Variants in PIEZO2 observed in about 807,000 individuals in gnomAD.
PIEZO2 encodes piezo-type mechanosensitive ion channel component 2.
A neutral mutation model predicts 337.3 loss-of-function variants in PIEZO2; 172 were observed. The ratio of observed to expected loss-of-function variants is 0.51; its 90% CI spans 0.45 to 0.58. The LOEUF (loss-of-function observed/expected upper bound fraction) is 0.58. PIEZO2 is among the 20% of genes least tolerant of loss of function. PIEZO2 has a pLI of 0.00. For missense variants in PIEZO2, 3,028 were observed against 3,391.3 expected (o/e 0.89, Z 2.66); for synonymous variants, 1,251 against 1,228.5 (o/e 1.02, Z -0.38).
intron 2 of PIEZO2, among the ~76,000 whole-genome samples, chr18:11,008,539 C>G (rs1459882665): frequency 6.6e-6 from 1 of 152,180 alleles, no homozygotes; most frequent in African/African-American, 2.4e-5. Context: ...TAGGCCCACT[C>G]TTGTTTAGTT....
rs556992830 is a variant in PIEZO2, at chr18:11,132,547, G to A, written c.64+15978C>T. 1.3e-3 allele frequency among the ~76,000 whole-genome samples: 199 copies of A among 152,270 alleles called. 1 individual carries two copies. In the Middle Eastern group the frequency reaches 0.014, roughly 10 times the overall value. On this transcript the variant is annotated intron_variant, in intron 1 of 55. Transcript: ENST00000674853. This position sits in a 1 kb window ranked among gnomAD's most constrained non-coding sequence, Gnocchi z 4.7. ...CCAGGATTCATATGTCCGGGAATCAGAAGGTAGAAGTAGAAGTGGCACCAC... is the reference window on the plus strand; with the variant it reads ...CCAGGATTCATATGTCCGGGAATCAAAAGGTAGAAGTAGAAGTGGCACCAC...
rs2036547863 is a variant in PIEZO2 at position 10,726,514 on chromosome 18, G to C, written c.5029+4893C>G. The C allele has an allele frequency of 2.6e-5, 39 of 1,483,968 alleles. No homozygotes were observed. Among genetic ancestry groups the C allele is most frequent in the Non-Finnish European group, 3.5e-5 (39 of 1,121,078 alleles). The allele number at this position is 1,483,968 out of a possible 1,614,324, so 91.9% of individuals were successfully genotyped here. A position where few individuals can be genotyped will look rare whatever the true frequency, so the allele number is the denominator to read the frequency against. ...TGCTGCTCCGCAAGCAGCCGTTCCT[G>C]TGGCGCGCTGCGCTGCTCTGCTCTG... On this transcript the variant is annotated intron_variant, in intron 36 of 55. Coordinates refer to ENST00000674853, the MANE Select transcript of PIEZO2 (RefSeq NM_001378183.1). The surrounding 1 kb of genome is among the most constrained non-coding windows in gnomAD (Gnocchi z 5.9).
intron 1 of PIEZO2, among the ~76,000 whole-genome samples, chr18:11,115,433 G>A (rs554346349): frequency 2.9e-4 from 44 of 152,274 alleles, no homozygotes; most frequent in Admixed American, 1.2e-3. Flanking sequence ...ACTGCTGTAA[G>A]TAAAAATAGT....
chr18:10,763,225 A>T, intron 21 of PIEZO2, 127 bp from the exon 22 acceptor site: 5 of 967,524 alleles, frequency 5.2e-6, no homozygotes, highest in African/African-American at 1.6e-5. Flanking sequence ...TAGCATGCGC[A>T]AGGAATTGCC....
chr18:10,887,101 G>T (rs938770196), intron 4 of PIEZO2, among the ~76,000 whole-genome samples: 1 of 122,112 alleles, frequency 8.2e-6, no homozygotes, highest in African/African-American at 3.3e-5. Context: ...ACAGAGTCTC[G>T]CTGTGTTGAC....
At chr18:10,902,687 G>A (rs2043080461) in intron 4 of PIEZO2, among the ~76,000 whole-genome samples, 1 of 152,094 alleles carries the variant, frequency 6.6e-6, no homozygotes, top group African/African-American at 2.4e-5. Context: ...AGATAAAACT[G>A]GAATCCAGGT....
rs776642495 is a variant in PIEZO2, at chr18:10,705,464, C to T, written c.5871G>A (p.Ser1957=). 55 of 1,537,214 alleles carry T rather than the reference C, an allele frequency of 3.6e-5. No homozygotes were observed. The highest frequency in any genetic ancestry group is 3.0e-5 in the Non-Finnish European group (34 of 1,146,910). Residue 1957 remains serine, a synonymous_variant, in exon 41 of 56, where the codon TCG becomes TCA. Coordinates refer to ENST00000674853, the MANE Select transcript of PIEZO2 (RefSeq NM_001378183.1). The part of the protein sequence containing the change: ...AVSFEHLSFG[S]QDDSAGKNRM... Reference sequence around the variant, plus strand: ...GGTTCTTGCCTGCAGAGTCGTCCTGCGAGCCGAAGGACAGATGCTCGAAGC... The same window carrying T: ...GGTTCTTGCCTGCAGAGTCGTCCTGTGAGCCGAAGGACAGATGCTCGAAGC...
chr18:10,732,505 C>T (rs985811061), intron 35 of PIEZO2, among the ~76,000 whole-genome samples: 1 of 152,164 alleles, frequency 6.6e-6, no homozygotes, highest in Non-Finnish European at 1.5e-5. Context: ...TAAAGAGAGA[C>T]TCAACTTTTC....
chr18:10,705,393 G>A lies in PIEZO2; in HGVS notation c.5942C>T (p.Ser1981Phe). 1.3e-6 allele frequency: 2 copies of A among 1,537,248 alleles called. No individual in the cohort carries two copies. The highest frequency in any genetic ancestry group is 1.2e-5 in the South Asian group (1 of 84,058). The change falls in exon 41 of 56, where the codon TCC becomes TTC. Residue 1981 changes from serine (S) to phenylalanine (F), a missense_variant. Physicochemically the swap from Ser to Phe is radical, Grantham distance 155. Around this residue, in one of 5 missense-constraint regions of PIEZO2, gnomAD observed 1,925 missense variants for 2,051.9 expected, o/e 0.94. Coordinates refer to ENST00000674853, the MANE Select transcript of PIEZO2 (RefSeq NM_001378183.1). ...PDDSRTDKLGSSILPPLTHEL... is the reference protein window; with the variant it reads ...PDDSRTDKLGFSILPPLTHEL... ...ATGGGTCAGGGGAGGTAAGATGCTG[G>A]ACCCCAGCTTGTCGGTGCGGCTGTC... is the stretch of plus-strand genomic sequence containing the variant.
chr18:11,123,174 G>A (rs574546648), intron 1 of PIEZO2, among the ~76,000 whole-genome samples: 2 of 152,106 alleles, frequency 1.3e-5, no homozygotes, highest in East Asian at 3.9e-4. Flanking sequence ...GCTTACTATG[G>A]GTTATGCATA....
At chr18:11,089,155 T>A (rs1208717532) in intron 1 of PIEZO2, among the ~76,000 whole-genome samples, 1 of 152,016 alleles carries the variant, frequency 6.6e-6, no homozygotes, top group Non-Finnish European at 1.5e-5. Flanking sequence ...TGAGTCCAAA[T>A]CCTCAGGAGT....
At chr18:10,692,829 TTC>T (rs1392063745) in intron 47 of PIEZO2, among the ~76,000 whole-genome samples, 1 of 152,172 alleles carries the variant, frequency 6.6e-6, no homozygotes, top group African/African-American at 2.4e-5. Context: ...TTTTTCAAAG[TTC>T]TTTTAGTTCT....
intron 2 of PIEZO2, among the ~76,000 whole-genome samples, chr18:11,063,673 A>G (rs933269576): frequency 2.6e-5 from 4 of 152,210 alleles, no homozygotes; most frequent in African/African-American, 9.6e-5. Context: ...CCAGCAATAC[A>G]TGGTGGCCTA....
At chr18:10,751,857 G>A (rs765769447) in intron 28 of PIEZO2, among the ~76,000 whole-genome samples, 15 of 152,204 alleles carry the variant, frequency 9.9e-5, no homozygotes, top group Admixed American at 2.0e-4. Flanking sequence ...AAATGGTGTC[G>A]TTGTGTCCTG....
At chr18:10,771,465 A>G (rs186297683) in intron 20 of PIEZO2, among the ~76,000 whole-genome samples, 2 of 152,372 alleles carry the variant, frequency 1.3e-5, no homozygotes, top group Admixed American at 1.3e-4. Flanking sequence ...ACTGTTTTGT[A>G]ATATCAGCCT....
Position 10,767,589 on chromosome 18 carries a change from GAGCTTGGGCACTGGTAC to G in PIEZO2, c.2946+2542_2946+2558del, listed in dbSNP as rs1333489808. On this transcript the variant is annotated intron_variant, in intron 21 of 55. Transcript: ENST00000674853. This position sits in a 1 kb window ranked among gnomAD's most constrained non-coding sequence, Gnocchi z 4.2. ...CTCGGAGCCCGATGCGTGAACCCTG[GAGCTTGGGCACTGGTAC>G]CCATGGGGCCAGAAGAGATGAAGAG... Among the ~76,000 whole-genome samples, 1 of 152,174 alleles carries G rather than the reference GAGCTTGGGCACTGGTAC, an allele frequency of 6.6e-6. No individual in the cohort carries two copies. Among genetic ancestry groups the G allele is most frequent in the African/African-American group, 2.4e-5 (1 of 41,442 alleles).
At chr18:10,719,895 T>C (rs2036183828) in intron 36 of PIEZO2, among the ~76,000 whole-genome samples, 2 of 152,034 alleles carry the variant, frequency 1.3e-5, no homozygotes, top group Admixed American at 6.6e-5. Flanking sequence ...GGATAACAGG[T>C]AGATGAGAAA....
intron 36 of PIEZO2, among the ~76,000 whole-genome samples, chr18:10,720,413 GTGTATGTA>G (rs201482963): frequency 2.7e-5 from 1 of 36,732 alleles, no homozygotes. Context: ...GTATGTGTAT[GTGTATGTA>G]TATATATATA....
intron 1 of PIEZO2, among the ~76,000 whole-genome samples, chr18:11,091,059 T>C (rs565152955): frequency 4.6e-5 from 7 of 152,150 alleles, no homozygotes; most frequent in African/African-American, 1.7e-4. Flanking sequence ...GTATATGAAA[T>C]GTCACCTCTC....
Sources: gnomAD v4.1 joint callset for allele counts (sites outside exome capture counted in the v4.1 genomes callset) on GRCh38, gnomAD v4.1.1 for gene constraint, gnomAD v4.1.1 regional missense constraint, Gnocchi (gnomAD v3.1) non-coding constraint, MANE v1.5 for transcripts, NCBI Gene and HGNC (gene_info 2026-07-23, HGNC 2026-07-21) for gene names.